KRT37: variants seen among roughly 807,000 people sequenced by gnomAD.
KRT37 encodes the protein keratin 37, also known as keratin, type I cuticular Ha7.
In KRT37, 38 loss-of-function variants were observed where a neutral mutation model predicts 41.9. The observed-to-expected ratio is 0.91, with a 90% confidence interval of 0.70 to 1.19. KRT37 has a LOEUF of 1.19. Among genes scored for constraint, KRT37 ranks in the 50% most tolerant of loss-of-function variants. The pLI is 0.00. For synonymous variants in KRT37, 252 were observed against 243.4 expected, an observed-to-expected ratio of 1.04 and a Z score of -0.33; for missense variants, 580 against 575.5, an observed-to-expected ratio of 1.01 and a Z score of -0.08.
Position 41,424,321 on chromosome 17 carries a change from C to G in KRT37, c.203G>C (p.Cys68Ser). Residue 68 changes from cysteine (C) to serine (S), a missense_variant, in exon 1 of 7, where the codon TGT (cysteine) becomes TCT (serine). By Grantham distance (112) the Cys-to-Ser change is moderately radical. Transcript: ENST00000225550. The part of the protein sequence containing the change: ...GSTPLGRPSL[C>S]LPPTSHTACP... ...AGCAGTGTGACTGGTTGGGGGCAGA[C>G]AGAGGCTGGGGCGGCCCAGGGGAGT... 1 of 1,614,126 alleles carries G rather than the reference C, an allele frequency of 6.2e-7. No homozygotes were observed.
intron 3 of KRT37, 104 bp downstream of exon 3, chr17:41,422,674 C>A: frequency 7.5e-7 from 1 of 1,325,372 alleles, no homozygotes; most frequent in Non-Finnish European, 1.0e-6. Flanking sequence ...GCCCTGCATC[C>A]TTAGGCCAGC....
intron 4 of KRT37, 36 bp downstream of exon 4, chr17:41,422,237 G>A (rs2018549974): frequency 5.0e-6 from 8 of 1,613,864 alleles, no homozygotes; most frequent in Non-Finnish European, 6.8e-6. Flanking sequence ...CTCAGATGGA[G>A]GCCAGGTACT....
chr17:41,423,659 A>G (rs1314004492), intron 2 of KRT37, 103 bp downstream of exon 2: 11 of 1,019,294 alleles, frequency 1.1e-5, no homozygotes, highest in Non-Finnish European at 1.6e-5. Context: ...TCTTCTAGTC[A>G]AAAACTGTTT....
chr17:41,423,361 C>G (rs2018570474), intron 2 of KRT37: 1 of 243,584 alleles, frequency 4.1e-6, no homozygotes, highest in African/African-American at 2.2e-5. Flanking sequence ...AAGCACAACT[C>G]TAGCTACCAA....
Position 41,422,949 on chromosome 17 carries a change from G to A in KRT37, c.576-15C>T, listed in dbSNP as rs548067401. The A allele has an allele frequency of 2.5e-6, 4 of 1,607,234 alleles. No individual in the cohort carries two copies. The South Asian group carries it at 4.4e-5, about 18-fold the overall frequency. ...CACTCTCCAGCCTTCCGTCACAGGAGGCACAGGGTCAAAAAGAATGCCCCA... is the reference window on the plus strand; with the variant it reads ...CACTCTCCAGCCTTCCGTCACAGGAAGCACAGGGTCAAAAAGAATGCCCCA... On this transcript the variant is annotated splice_polypyrimidine_tract_variant and intron_variant, in intron 2 of 6. Coordinates refer to ENST00000225550, the MANE Select transcript of KRT37 (RefSeq NM_003770.5).
intron 1 of KRT37, 28 bp downstream of exon 1, chr17:41,424,004 A>C: frequency 1.2e-6 from 2 of 1,608,242 alleles, no homozygotes; most frequent in African/African-American, 1.3e-5. Flanking sequence ...TCTCAGACCC[A>C]GCATGCCCAG....
Position 41,422,728 on chromosome 17 carries a change from C to T in KRT37, c.732+50G>A. 3 of 1,472,744 alleles carry T rather than the reference C, an allele frequency of 2.0e-6. 1 individual carries two copies. Among genetic ancestry groups the T allele is most frequent in the Non-Finnish European group, 2.7e-6 (3 of 1,095,354 alleles). The allele number at this position is 1,472,744 out of a possible 1,614,324, so 91.2% of individuals were successfully genotyped here. ...TGAGAGCCCCAGGGCCGGGGAGCTC[C>T]CCTGTCTGCCCAGCGCCCTCCCCAG... On this transcript the variant is annotated intron_variant, in intron 3 of 6. Transcript: ENST00000225550.
At position 41,424,257 on chromosome 17, in the gene KRT37, G is replaced by A. The variant is rs140730413; in HGVS notation, c.267C>T (p.Ile89=). 82 of 1,614,206 alleles carry A rather than the reference G, an allele frequency of 5.1e-5. No individual in the cohort carries two copies. The African/African-American group carries it at 8.1e-4, about 16-fold the overall frequency. The change falls in exon 1 of 7, where the codon ATC becomes ATT. Residue 89 remains isoleucine, a synonymous_variant. Coordinates refer to ENST00000225550, the MANE Select transcript of KRT37 (RefSeq NM_003770.5). ...LPGTCHIPGN[I]GICGAYGKNT... ...TTTTGCCGTAGGCCCCACAGATTCC[G>A]ATGTTGCCGGGAATGTGACAGGTCC...
chr17:41,424,361 C>T lies in KRT37; in HGVS notation c.163G>A (p.Val55Ile). ...LLANVAHANR[V>I]RVGSTPLGRP... ...CCCAGGGGAGTCGACCCCACACGGA[C>T]TCTGTTGGCGTGTGCCACGTTGGCC... The change falls in exon 1 of 7, where the codon GTC (valine) becomes ATC (isoleucine). Residue 55 changes from valine (V) to isoleucine (I), a missense_variant. Val to Ile is a conservative substitution (Grantham distance 29, BLOSUM62 3). Coordinates refer to ENST00000225550, the MANE Select transcript of KRT37 (RefSeq NM_003770.5). The T allele has an allele frequency of 1.2e-6, 2 of 1,614,128 alleles. No individual in the cohort carries two copies. The highest frequency in any genetic ancestry group is 1.7e-6 in the Non-Finnish European group (2 of 1,180,018).
In KRT37 at chr17:41,420,830, C is replaced by T. The variant is rs756925435; in HGVS notation, c.*48G>A. The stretch of plus-strand genomic sequence containing the variant: ...AAGACTGGGCAAGGTGAGGGCACTC[C>T]TGACCCCAGTGCAACCAGCCTCAAT... On this transcript the variant is annotated 3_prime_UTR_variant, in exon 7 of 7. Coordinates refer to ENST00000225550, the MANE Select transcript of KRT37 (RefSeq NM_003770.5). 2.3e-6 allele frequency: 3 copies of T among 1,329,498 alleles called. No individual in the cohort carries two copies. The highest frequency in any genetic ancestry group is 3.5e-5 in the Admixed American group (2 of 57,664). 82.4% of individuals were successfully genotyped at this position (1,329,498 alleles called of 1,614,324 possible). A position where few individuals can be genotyped will look rare whatever the true frequency, so the allele number is the denominator to read the frequency against.
rs143034587 is a variant in KRT37, at chr17:41,420,770, T to G, written c.*108A>C. 2.1e-4 allele frequency: 139 copies of G among 660,604 alleles called. No homozygotes were observed. In the African/African-American group the frequency reaches 2.3e-3, roughly 11 times the overall value. 40.9% of individuals were successfully genotyped at this position (660,604 alleles called of 1,614,324 possible). A position where few individuals can be genotyped will look rare whatever the true frequency, so the allele number is the denominator to read the frequency against. ...TGGAAGTATCTGCTACCGGTTGATTTAGGGAAAATGCCTCAGTGAGTCTAG... is the reference window on the plus strand; with the variant it reads ...TGGAAGTATCTGCTACCGGTTGATTGAGGGAAAATGCCTCAGTGAGTCTAG... On this transcript the variant is annotated 3_prime_UTR_variant, in exon 7 of 7. Transcript: ENST00000225550.
chr17:41,421,074 C>T, intron 6 of KRT37, 88 bp from the exon 7 acceptor site: 1 of 1,021,792 alleles, frequency 9.8e-7, no homozygotes, highest in South Asian at 1.4e-5. Context: ...CTGGGCCTGC[C>T]ACCAACAAGG....
At position 41,422,881 on chromosome 17, in the gene KRT37, G is replaced by A. The variant is rs372705848; in HGVS notation, c.629C>T (p.Thr210Met). The change falls in exon 3 of 7, where the codon ACG (threonine) becomes ATG (methionine). Residue 210 changes from threonine to methionine, a missense_variant. Transcript: ENST00000225550. The stretch of plus-strand genomic sequence containing the variant: ...GGTCGCGTCATCCAGGAGCTTCTGC[G>A]TCCCGCACTTGTCCGCCTCCACCAG... ...HQLVEADKCGTQKLLDDATLA... is the reference protein window; with the variant it reads ...HQLVEADKCGMQKLLDDATLA... 3.2e-5 allele frequency: 52 copies of A among 1,614,144 alleles called. No individual in the cohort carries two copies. The highest frequency in any genetic ancestry group is 6.7e-5 in the African/African-American group (5 of 75,060).
intron 2 of KRT37, 128 bp from the exon 3 acceptor site, chr17:41,423,062 A>C: frequency 9.0e-7 from 1 of 1,112,604 alleles, no homozygotes; most frequent in Non-Finnish European, 1.2e-6. Context: ...ACTATTCTCA[A>C]CCCTGCAGCG....
chr17:41,422,676 T>C (rs374551395), intron 3 of KRT37, 102 bp downstream of exon 3: 3 of 1,227,658 alleles, frequency 2.4e-6, no homozygotes, highest in Admixed American at 2.8e-5. Flanking sequence ...CCTGCATCCT[T>C]AGGCCAGCTG....
At chr17:41,421,336 G>A (rs1165524390) in intron 6 of KRT37, 31 bp downstream of exon 6, 2 of 1,606,178 alleles carry the variant, frequency 1.2e-6, no homozygotes, top group East Asian at 4.5e-5. Context: ...AGTCATGTGT[G>A]TGGCTTAGGA....
Position 41,421,537 on chromosome 17 carries a change from T to A in KRT37, c.1071A>T (p.Thr357=). 6.2e-7 allele frequency: 1 copy of A among 1,614,254 alleles called. No individual in the cohort carries two copies. The highest frequency in any genetic ancestry group is 8.5e-7 in the Non-Finnish European group (1 of 1,180,038). ...SLCEAEDRYG[T]ELAQMQSLIS... ...TGAGGCTCTGCATCTGGGCCAGCTC[T>A]GTGCCGTAGCGGTCCTCCGCTTCAC... Residue 357 remains threonine (T), a synonymous_variant, in exon 6 of 7, where the codon ACA becomes ACT. Transcript: ENST00000225550.
intron 5 of KRT37, 80 bp from the exon 6 acceptor site, chr17:41,421,667 A>G (rs2018541742): frequency 2.2e-6 from 3 of 1,338,434 alleles, no homozygotes; most frequent in African/African-American, 2.9e-5. Flanking sequence ...CTCATCACAC[A>G]TAGGGCAAAT....
At position 41,422,363 on chromosome 17, in the gene KRT37, GTCAATGGTGGGC is replaced by G. The variant is rs1567690485; in HGVS notation, c.792_803del (p.Glu264_Ile267del). 17 of 1,614,192 alleles carry G rather than the reference GTCAATGGTGGGC, an allele frequency of 1.1e-5. No homozygotes were observed. The highest frequency in any genetic ancestry group is 1.4e-5 in the Non-Finnish European group (17 of 1,180,028). Reference sequence around the variant, plus strand: ...GCATCTCCCCCAACACCCTGTTCAGGTCAATGGTGGGCTCAATGTCCAGCTCGATCCGGAACT... The same window carrying G: ...GCATCTCCCCCAACACCCTGTTCAGGTCAATGTCCAGCTCGATCCGGAACT... On this transcript the variant is annotated inframe_deletion, in exon 4 of 7. Coordinates refer to ENST00000225550, the MANE Select transcript of KRT37 (RefSeq NM_003770.5).
Sources: gnomAD v4.1 joint callset for allele counts on GRCh38, gnomAD v4.1.1 for gene constraint, MANE v1.5 for transcripts, NCBI Gene and HGNC (gene_info 2026-07-23, HGNC 2026-07-21) for gene names.